Variants in XKRX observed in about 807,000 individuals in gnomAD.
The protein encoded by XKRX is XK-related protein 2.
A neutral mutation model predicts 22.4 loss-of-function variants in XKRX; 11 were observed. That is an observed-to-expected ratio of 0.49 (90% CI 0.31 to 0.81). XKRX has a LOEUF of 0.81. XKRX is among the 40% of genes least tolerant of loss of function. The probability of loss-of-function intolerance (pLI) is 0.05; values close to 1 mark genes in which losing one functional copy is unlikely to be tolerated. For missense variants in XKRX, 320 were observed against 336.5 expected, an observed-to-expected ratio of 0.95 and a Z score of 0.38; for synonymous variants, 114 against 132.2, an observed-to-expected ratio of 0.86 and a Z score of 0.94.
chrX:100,917,324 C>T (rs1231278347), intron 2 of XKRX, among the ~76,000 whole-genome samples: 1 of 109,352 alleles, frequency 9.1e-6, no homozygotes. Context: ...ATTAGAAATC[C>T]TTGGTTCCAG....
downstream of XKRX, among the ~76,000 whole-genome samples, chrX:100,910,059 A>T (rs747313970): frequency 8.1e-5 from 9 of 110,765 alleles, no homozygotes; most frequent in Admixed American, 9.7e-5. Context: ...TGTGGAGCAA[A>T]TGAAATTGAA....
Position 100,915,386 on chromosome X carries a change from A to G in XKRX, c.605-303T>C, listed in dbSNP as rs185506218. On this transcript the variant is annotated intron_variant, in intron 2 of 2. Transcript: ENST00000372956. ...CCTCACACCTGTTAGAATGGCTATT[A>G]TTAAAAAAAAAAAGTGTTGGTGGGG... 4.9e-3 allele frequency among the ~76,000 whole-genome samples: 541 copies of G among 110,643 alleles called. 6 individuals carry two copies. Among genetic ancestry groups the G allele is most frequent in the African/African-American group, 0.017 (523 of 30,273 alleles).
At chrX:100,894,737 G>T in the XKRX span, among the ~76,000 whole-genome samples, 1 of 111,985 alleles carries the variant, frequency 8.9e-6, no homozygotes, top group Non-Finnish European at 1.9e-5. Context: ...CTCCCAAAGT[G>T]CTGTAACTAC....
chrX:100,937,207 T>G, the XKRX span, among the ~76,000 whole-genome samples: 2 of 110,590 alleles, frequency 1.8e-5, no homozygotes, highest in Non-Finnish European at 3.8e-5. Flanking sequence ...GCCAGGCTGG[T>G]CTCGAACTCC....
chrX:100,900,614 C>A, the XKRX span, among the ~76,000 whole-genome samples: 1 of 107,951 alleles, frequency 9.3e-6, no homozygotes, highest in Admixed American at 1.0e-4. Flanking sequence ...CCAGCCTGGG[C>A]AAGATACCGA....
chrX:100,898,319 C>T, the XKRX span, among the ~76,000 whole-genome samples: 16 of 110,602 alleles, frequency 1.4e-4, no homozygotes, highest in Admixed American at 1.4e-3. Flanking sequence ...CAATACAGAC[C>T]TCTTCTCATT....
chrX:100,907,994 T>C, the XKRX span, among the ~76,000 whole-genome samples: 3 of 112,020 alleles, frequency 2.7e-5, no homozygotes, highest in African/African-American at 9.7e-5. Context: ...TGCAAATCCA[T>C]ATGTATAACT....
At chrX:100,907,441 C>A in the XKRX span, among the ~76,000 whole-genome samples, 3 of 111,824 alleles carry the variant, frequency 2.7e-5, no homozygotes, top group African/African-American at 6.5e-5. Flanking sequence ...TTCAAGCAAT[C>A]CTCCTGCCTT....
At chrX:100,906,239 G>A in the XKRX span, among the ~76,000 whole-genome samples, 2 of 111,531 alleles carry the variant, frequency 1.8e-5, no homozygotes, top group Non-Finnish European at 3.8e-5. Context: ...AATTGATGAA[G>A]ATACATTGAC....
chrX:100,887,950 A>G, the XKRX span: 37 of 1,092,343 alleles, frequency 3.4e-5, no homozygotes, highest in Non-Finnish European at 4.6e-5. Flanking sequence ...CCATGACCAA[A>G]GTTGTCATTC....
the XKRX span, among the ~76,000 whole-genome samples, chrX:100,938,490 G>A: frequency 3.6e-5 from 4 of 110,993 alleles, no homozygotes; most frequent in East Asian, 2.8e-4. Context: ...TTAGCCGGGC[G>A]TGGTGGCATG....
At chrX:100,949,062 T>G in the XKRX span, among the ~76,000 whole-genome samples, 1 of 112,746 alleles carries the variant, frequency 8.9e-6, no homozygotes, top group Non-Finnish European at 1.9e-5. Context: ...TGCTTCTCTC[T>G]AATCCCTGTG....
At chrX:100,944,359 T>G in the XKRX span, among the ~76,000 whole-genome samples, 1 of 110,866 alleles carries the variant, frequency 9.0e-6, no homozygotes, top group Non-Finnish European at 1.9e-5. Context: ...AAATCAACGT[T>G]TTTGTTTTGT....
chrX:100,905,620 T>C, the XKRX span, among the ~76,000 whole-genome samples: 2 of 112,027 alleles, frequency 1.8e-5, no homozygotes, highest in Admixed American at 1.9e-4. Context: ...CCCCCCCATA[T>C]TGTTGGTTTT....
the XKRX span, among the ~76,000 whole-genome samples, chrX:100,947,759 A>G: frequency 8.9e-6 from 1 of 112,137 alleles, no homozygotes; most frequent in Non-Finnish European, 1.9e-5. Context: ...CAGAAATTAC[A>G]AACTGTAAAA....
chrX:100,916,272 T>C (rs2085435416), intron 2 of XKRX, among the ~76,000 whole-genome samples: 1 of 111,535 alleles, frequency 9.0e-6, no homozygotes, highest in African/African-American at 3.3e-5. Context: ...TGAACCAAAA[T>C]ATCTTTTTTT....
At position 100,926,277 on chromosome X, in the gene XKRX, A is replaced by AG. The variant is rs761563313; in HGVS notation, c.335+1692dup. ...TGCCTTCCTGTGAAGCCATCTTCAG[A>AG]GATTTTACCAAGAACACACAACCAG... On this transcript the variant is annotated intron_variant, in intron 1 of 2. Transcript: ENST00000372956. 1.8e-3 allele frequency among the ~76,000 whole-genome samples: 202 copies of AG among 111,768 alleles called. 1 individual carries two copies. The highest frequency in any genetic ancestry group is 6.7e-3 in the Admixed American group (70 of 10,481).
the XKRX span, among the ~76,000 whole-genome samples, chrX:100,945,955 C>T: frequency 9.0e-6 from 1 of 110,540 alleles, no homozygotes; most frequent in Admixed American, 9.6e-5. Flanking sequence ...GGAGGCTAGG[C>T]GGACGAATCA....
At chrX:100,930,460 T>G (rs1903224082), upstream of XKRX, among the ~76,000 whole-genome samples, 1 of 109,519 alleles carries the variant, frequency 9.1e-6, no homozygotes, top group Admixed American at 9.8e-5. Flanking sequence ...TTATGTTGTT[T>G]TTTGTTTTTT....
Sources: gnomAD v4.1 joint callset for allele counts (sites outside exome capture counted in the v4.1 genomes callset) on GRCh38, gnomAD v4.1.1 for gene constraint, MANE v1.5 for transcripts, NCBI Gene and HGNC (gene_info 2026-07-23, HGNC 2026-07-21) for gene names.